DPP10: variants seen among roughly 807,000 people sequenced by gnomAD.
DPP10 encodes inactive dipeptidyl peptidase 10.
A neutral mutation model predicts 120.9 loss-of-function variants in DPP10; 33 were observed. The observed-to-expected ratio is 0.27, with a 90% CI of 0.21 to 0.37. The LOEUF is 0.37. Ranked by LOEUF, DPP10 falls within the 10% of genes least tolerant of loss-of-function variation. The pLI is 1.00. For synonymous variants in DPP10, 337 were observed against 326.1 expected, an observed-to-expected ratio of 1.03 and a Z score of -0.36; for missense variants, 816 against 942.8, an observed-to-expected ratio of 0.87 and a Z score of 1.76.
In DPP10 at chr2:115,625,295, AAGACTTC is replaced by A. The variant is rs1222910032; in HGVS notation, c.442-64389_442-64383del. ...TGAAAGGGAAAATGTAAGTGTGGAA[AAGACTTC>A]AGTATTTAAAATTACTGTAATTGCA... is the stretch of plus-strand genomic sequence containing the variant. On this transcript the variant is annotated intron_variant, in intron 5 of 25. Coordinates refer to ENST00000410059, the MANE Select transcript of DPP10 (RefSeq NM_020868.6). Among the ~76,000 whole-genome samples, 4 of 152,266 alleles carry A rather than the reference AAGACTTC, an allele frequency of 2.6e-5. No homozygotes were observed. In the East Asian group the frequency reaches 7.7e-4, roughly 29 times the overall value.
intron 1 of DPP10, among the ~76,000 whole-genome samples, chr2:114,981,662 C>A (rs1700100448): frequency 6.6e-6 from 1 of 152,118 alleles, no homozygotes. Context: ...CTCACTGCAG[C>A]CTGGAGCTCC....
intron 1 of DPP10, among the ~76,000 whole-genome samples, chr2:114,861,022 CTT>C (rs376480233): frequency 5.9e-5 from 9 of 152,290 alleles, no homozygotes; most frequent in African/African-American, 1.4e-4. Context: ...ACCCAGGTCT[CTT>C]TTCATCAAAG....
chr2:115,620,898 G>T (rs953922001), intron 5 of DPP10, among the ~76,000 whole-genome samples: 10 of 152,122 alleles, frequency 6.6e-5, no homozygotes, highest in Non-Finnish European at 1.5e-4. Flanking sequence ...TGAAATACGT[G>T]GTCAACGTAG....
At chr2:115,308,156 A>G (rs1237684041) in intron 1 of DPP10, among the ~76,000 whole-genome samples, 1 of 152,124 alleles carries the variant, frequency 6.6e-6, no homozygotes, top group East Asian at 1.9e-4. Flanking sequence ...GAATATTGAC[A>G]TCAATGTTTT....
At chr2:115,036,676 G>A (rs528794769) in intron 1 of DPP10, among the ~76,000 whole-genome samples, 2 of 151,718 alleles carry the variant, frequency 1.3e-5, no homozygotes, top group African/African-American at 4.8e-5. Flanking sequence ...GAGCACTATT[G>A]GTTTTTATTT....
At chr2:114,779,244 G>T (rs1466167709) in intron 1 of DPP10, among the ~76,000 whole-genome samples, 2 of 152,102 alleles carry the variant, frequency 1.3e-5, no homozygotes, top group African/African-American at 4.8e-5. Flanking sequence ...TCTGAACGAA[G>T]AGGTTTGTGT....
At chr2:115,384,984 A>C (rs1452455250) in intron 3 of DPP10, among the ~76,000 whole-genome samples, 5 of 152,202 alleles carry the variant, frequency 3.3e-5, no homozygotes, top group African/African-American at 1.2e-4. Flanking sequence ...TAGGTTCATC[A>C]GGGATTTTTG....
intron 1 of DPP10, among the ~76,000 whole-genome samples, chr2:115,180,254 T>A (rs1019301056): frequency 1.3e-5 from 2 of 152,124 alleles, no homozygotes; most frequent in African/African-American, 4.8e-5. Context: ...ACTTTGATAA[T>A]TTTTTTCAAG....
chr2:114,910,915 A>G (rs1397572672), intron 1 of DPP10, among the ~76,000 whole-genome samples: 2 of 152,154 alleles, frequency 1.3e-5, no homozygotes, highest in Admixed American at 6.5e-5. Context: ...GGGAAGTAAG[A>G]CTTTGAAGAA....
intron 1 of DPP10, among the ~76,000 whole-genome samples, chr2:114,888,283 C>T (rs1159545388): frequency 2.0e-5 from 3 of 151,910 alleles, no homozygotes; most frequent in Non-Finnish European, 4.4e-5. Flanking sequence ...CAGAGTAGAA[C>T]GCACCAAATG....
intron 5 of DPP10, among the ~76,000 whole-genome samples, chr2:115,654,594 G>A (rs572549103): frequency 6.6e-6 from 1 of 151,908 alleles, no homozygotes; most frequent in African/African-American, 2.4e-5. Context: ...GGTGGCTCTT[G>A]CATCAGTCAC....
intron 1 of DPP10, among the ~76,000 whole-genome samples, chr2:114,538,676 A>T (rs1354805908): frequency 6.6e-6 from 1 of 152,212 alleles, no homozygotes; most frequent in Non-Finnish European, 1.5e-5. Flanking sequence ...TCTCAGAATC[A>T]TTAATATAAC....
At chr2:114,881,193 C>A (rs1691573500) in intron 1 of DPP10, among the ~76,000 whole-genome samples, 1 of 152,052 alleles carries the variant, frequency 6.6e-6, no homozygotes. Flanking sequence ...GGATCAGTAG[C>A]CCACTGTGCT....
chr2:115,414,401 T>A (rs532778384), intron 3 of DPP10, among the ~76,000 whole-genome samples: 4 of 152,268 alleles, frequency 2.6e-5, no homozygotes, highest in Admixed American at 2.0e-4. Flanking sequence ...TTTTCCATCA[T>A]CTTTTATCTC....
intron 1 of DPP10, among the ~76,000 whole-genome samples, chr2:115,059,795 A>G (rs1334591923): frequency 6.6e-6 from 1 of 151,934 alleles, no homozygotes; most frequent in East Asian, 1.9e-4. Context: ...AGACAAAGCA[A>G]GCTGCGGTTA....
At chr2:114,500,840 C>T (rs541650758) in intron 1 of DPP10, among the ~76,000 whole-genome samples, 4 of 152,124 alleles carry the variant, frequency 2.6e-5, no homozygotes, top group Non-Finnish European at 5.9e-5. Context: ...GAAGGAAGAT[C>T]AAGGCAGGAG....
chr2:114,990,836 C>A (rs556537971), intron 1 of DPP10, among the ~76,000 whole-genome samples: 1 of 152,118 alleles, frequency 6.6e-6, no homozygotes, highest in African/African-American at 2.4e-5. Context: ...AACTTGCTGT[C>A]GCTGATAGTC....
chr2:115,150,783 T>C (rs2051497114), intron 1 of DPP10, among the ~76,000 whole-genome samples: 1 of 152,222 alleles, frequency 6.6e-6, no homozygotes, highest in Admixed American at 6.5e-5. Flanking sequence ...AAGCATAAAA[T>C]ACATACTGGA....
At chr2:114,562,910 AT>A (rs1688881954) in intron 1 of DPP10, among the ~76,000 whole-genome samples, 1 of 152,164 alleles carries the variant, frequency 6.6e-6, no homozygotes, top group Admixed American at 6.6e-5. Flanking sequence ...TTCCTGCTAT[AT>A]TTTTATAAAA....
Sources: allele counts gnomAD v4.1 joint callset (sites outside exome capture counted in the v4.1 genomes callset), GRCh38; gene constraint gnomAD v4.1.1; transcripts MANE v1.5; gene names NCBI Gene and HGNC (gene_info 2026-07-23, HGNC 2026-07-21).